GRID1: variants seen among roughly 807,000 people sequenced by gnomAD.
The protein encoded by GRID1 is glutamate receptor ionotropic, delta-1.
In GRID1, 28 loss-of-function variants were observed where a neutral mutation model predicts 98.0. The observed-to-expected ratio is 0.29, with a 90% CI of 0.21 to 0.39. The LOEUF is 0.39. Among genes scored for constraint, GRID1 ranks in the 10% least tolerant of loss-of-function variants. GRID1 has a pLI of 1.00. For synonymous variants in GRID1, 553 were observed against 538.5 expected, an observed-to-expected ratio of 1.03 and a Z score of -0.37; for missense variants, 1,111 against 1,340.5, an observed-to-expected ratio of 0.83 and a Z score of 2.67.
At chr10:85,669,168 C>T (rs1177555033) in intron 12 of GRID1, among the ~76,000 whole-genome samples, 1 of 152,218 alleles carries the variant, frequency 6.6e-6, no homozygotes, top group African/African-American at 2.4e-5. Flanking sequence ...AACCATTACC[C>T]AAATGCAGGG....
intron 15 of GRID1, among the ~76,000 whole-genome samples, chr10:85,611,927 G>C (rs1419904025): frequency 1.3e-5 from 2 of 152,216 alleles, no homozygotes; most frequent in Non-Finnish European, 2.9e-5. Flanking sequence ...TCAAAGGTCT[G>C]TCTTCCTTCC....
At position 86,023,004 on chromosome 10, in the gene GRID1, T is replaced by TG. The variant is rs1273244296; in HGVS notation, c.727-106766dup. The stretch of plus-strand genomic sequence containing the variant: ...CAGCACCCAAACAAGGGTCATATGT[T>TG]GGGGGGCCACAGGATATTGTAATCA... On this transcript the variant is annotated intron_variant, in intron 4 of 15. Coordinates refer to ENST00000327946, the MANE Select transcript of GRID1 (RefSeq NM_017551.3). Among the ~76,000 whole-genome samples the TG allele has an allele frequency of 3.9e-5, 6 of 152,006 alleles. No individual in the cohort carries two copies. The South Asian group carries it at 6.3e-4, about 16-fold the overall frequency.
chr10:85,620,058 G>A (rs966447463), intron 13 of GRID1, 25 bp from the exon 14 acceptor site: 2 of 1,604,926 alleles, frequency 1.2e-6, no homozygotes, highest in East Asian at 2.2e-5. Context: ...TTACCATGAA[G>A]TCAGGCAGTC....
intron 2 of GRID1, among the ~76,000 whole-genome samples, chr10:86,235,832 T>C (rs1460550721): frequency 1.3e-5 from 2 of 152,278 alleles, no homozygotes; most frequent in Non-Finnish European, 2.9e-5. Flanking sequence ...GAGGCCATCA[T>C]ACATAATGCT....
intron 4 of GRID1, among the ~76,000 whole-genome samples, chr10:86,094,273 CT>C (rs1304891683): frequency 6.6e-6 from 1 of 152,192 alleles, no homozygotes; most frequent in African/African-American, 2.4e-5. Context: ...AGCATTCCCT[CT>C]GAGAACTGGA....
chr10:86,276,803 G>A (rs572488815), intron 2 of GRID1, among the ~76,000 whole-genome samples: 49 of 151,942 alleles, frequency 3.2e-4, no homozygotes, highest in African/African-American at 1.0e-3. Flanking sequence ...AATAAGATTC[G>A]ACATCCAATT....
chr10:86,213,009 A>G (rs911870499), intron 2 of GRID1, among the ~76,000 whole-genome samples: 12 of 151,884 alleles, frequency 7.9e-5, no homozygotes, highest in African/African-American at 2.4e-4. Flanking sequence ...CCTCCAGAGC[A>G]CAGGACACAC....
intron 4 of GRID1, among the ~76,000 whole-genome samples, chr10:86,004,279 C>T (rs1364947294): frequency 1.3e-5 from 2 of 152,162 alleles, no homozygotes; most frequent in South Asian, 2.1e-4. Context: ...TGGAGGTTTA[C>T]ACATGTTTGA....
intron 4 of GRID1, among the ~76,000 whole-genome samples, chr10:86,119,669 T>G (rs1844637563): frequency 6.6e-6 from 1 of 152,220 alleles, no homozygotes; most frequent in Non-Finnish European, 1.5e-5. Context: ...AGCACTGCCC[T>G]TCCTCCTGGC....
In GRID1 at chr10:86,206,159, T is replaced by C. The variant is rs147709129; in HGVS notation, c.520+205A>G. Among the ~76,000 whole-genome samples, 9 of 152,334 alleles carry C rather than the reference T, an allele frequency of 5.9e-5. No individual in the cohort carries two copies. Among genetic ancestry groups the C allele is most frequent in the Non-Finnish European group, 1.2e-4 (8 of 68,036 alleles). The stretch of plus-strand genomic sequence containing the variant: ...CTTCAGCCGTCATGATAAGGTGTTG[T>C]TGCTAGGCAACTTTATACCTATCTA... On this transcript the variant is annotated intron_variant, in intron 3 of 15. Coordinates refer to ENST00000327946, the MANE Select transcript of GRID1 (RefSeq NM_017551.3). This position sits in a 1 kb window ranked among gnomAD's most constrained non-coding sequence, Gnocchi z 4.1.
intron 5 of GRID1, among the ~76,000 whole-genome samples, chr10:85,882,572 T>C (rs542696710): frequency 1.3e-5 from 2 of 152,066 alleles, no homozygotes; most frequent in African/African-American, 4.8e-5. Flanking sequence ...AATTGAACAA[T>C]GAGAACACAT....
Position 85,878,707 on chromosome 10 carries a change from A to G in GRID1, c.781-9527T>C, listed in dbSNP as rs1393761922. On this transcript the variant is annotated intron_variant, in intron 5 of 15. Coordinates refer to ENST00000327946, the MANE Select transcript of GRID1 (RefSeq NM_017551.3). The stretch of plus-strand genomic sequence containing the variant: ...ACCATCAAGGCTAGGAATAAACTGC[A>G]TCAACTAACGAGCAAAATAACCAGC... Among the ~76,000 whole-genome samples the G allele has an allele frequency of 2.0e-5, 3 of 152,210 alleles. No homozygotes were observed. The East Asian group carries it at 5.8e-4, about 29-fold the overall frequency.
chr10:86,215,639 C>T (rs1846167156), intron 2 of GRID1, among the ~76,000 whole-genome samples: 1 of 152,106 alleles, frequency 6.6e-6, no homozygotes, highest in Admixed American at 6.5e-5. Context: ...AATGGGGCTT[C>T]CTGAAGCACT....
At chr10:85,970,934 A>G (rs964828726) in intron 4 of GRID1, among the ~76,000 whole-genome samples, 3 of 152,026 alleles carry the variant, frequency 2.0e-5, no homozygotes, top group Admixed American at 2.0e-4. Flanking sequence ...TATTTTTTTT[A>G]AAGTCCTAAG....
At chr10:86,040,944 G>A (rs1843336905) in intron 4 of GRID1, among the ~76,000 whole-genome samples, 1 of 151,810 alleles carries the variant, frequency 6.6e-6, no homozygotes, top group South Asian at 2.1e-4. Flanking sequence ...GCCCAAGGTG[G>A]GGCTGTCTCC....
At position 85,634,998 on chromosome 10, in the gene GRID1, G is replaced by GAAAAAAAAAAAAAA. The variant is rs140144576; in HGVS notation, c.2193+12190_2193+12203dup. On this transcript the variant is annotated intron_variant, in intron 13 of 15. Transcript: ENST00000327946. ...GCAAATTACAGGGCAGAGGAAATCTGAAAAAAAAAAAAAAAAAAAAAAAAA... is the reference window on the plus strand; with the variant it reads ...GCAAATTACAGGGCAGAGGAAATCTGAAAAAAAAAAAAAAAAAAAAAAAAAAAAAAAAAAAAAAA... Among the ~76,000 whole-genome samples, 9 of 35,010 alleles carry GAAAAAAAAAAAAAA rather than the reference G, an allele frequency of 2.6e-4. 1 individual carries two copies. The highest frequency in any genetic ancestry group is 4.6e-4 in the African/African-American group (5 of 10,946). 23.0% of individuals were successfully genotyped at this position (35,010 alleles called of 152,430 possible). A position where few individuals can be genotyped will look rare whatever the true frequency, so the allele number is the denominator to read the frequency against.
intron 5 of GRID1, among the ~76,000 whole-genome samples, chr10:85,903,049 A>C (rs1309348843): frequency 6.6e-6 from 1 of 152,100 alleles, no homozygotes; most frequent in African/African-American, 2.4e-5. Flanking sequence ...CTGTGGTCTC[A>C]TCCAGTCACA....
chr10:85,900,382 C>T (rs1266267122), intron 5 of GRID1, among the ~76,000 whole-genome samples: 2 of 152,180 alleles, frequency 1.3e-5, no homozygotes, highest in African/African-American at 4.8e-5. Flanking sequence ...TCTGAATCCA[C>T]CAGAATCCAT....
intron 13 of GRID1, among the ~76,000 whole-genome samples, chr10:85,643,526 A>G (rs77320075): frequency 0.023 from 3,495 of 152,276 alleles, 47 homozygotes; most frequent in African/African-American, 0.038. Flanking sequence ...AGTAGGGAAG[A>G]AGACAGATTT....
Sources: gnomAD v4.1 joint callset for allele counts (sites outside exome capture counted in the v4.1 genomes callset) on GRCh38, gnomAD v4.1.1 for gene constraint, Gnocchi (gnomAD v3.1) non-coding constraint, MANE v1.5 for transcripts, NCBI Gene and HGNC (gene_info 2026-07-23, HGNC 2026-07-21) for gene names.